Variants in JHY observed in about 807,000 individuals in gnomAD.
JHY encodes the protein jhy protein homolog.
Under a neutral mutation model 78.0 loss-of-function variants are expected in JHY, and 69 were observed. That is an observed-to-expected ratio of 0.88 (90% CI 0.73 to 1.08). The LOEUF is 1.08. JHY is among the 50% of genes least tolerant of loss of function. The probability of loss-of-function intolerance (pLI) is 0.00; values close to 1 mark genes in which losing one functional copy is unlikely to be tolerated. For missense variants in JHY, 944 were observed against 927.8 expected, an observed-to-expected ratio of 1.02 and a Z score of -0.23; for synonymous variants, 368 against 342.6, an observed-to-expected ratio of 1.07 and a Z score of -0.82.
At chr11:122,937,022 A>G (rs2135359161) in intron 5 of JHY, among the ~76,000 whole-genome samples, 1 of 152,210 alleles carries the variant, frequency 6.6e-6, no homozygotes, top group African/African-American at 2.4e-5. Context: ...GTTGTTTGTG[A>G]GCAGATTTTA....
chr11:122,951,562 T>G (rs1243937481), intron 6 of JHY, among the ~76,000 whole-genome samples: 2 of 152,232 alleles, frequency 1.3e-5, no homozygotes, highest in Non-Finnish European at 2.9e-5. Flanking sequence ...CACTTACACA[T>G]CTGAGGAATT....
chr11:122,902,533 G>T (rs1862884309), intron 2 of JHY, among the ~76,000 whole-genome samples: 1 of 152,144 alleles, frequency 6.6e-6, no homozygotes, highest in Non-Finnish European at 1.5e-5. Flanking sequence ...ACCTGAGTGA[G>T]ACTGGGTAAT....
In JHY at chr11:122,946,665, A is replaced by G. The variant is rs780615829; in HGVS notation, c.1802A>G (p.Glu601Gly). ...VTLPPILSRV[E>G]SESQLSSERS... ...CTTCCACCTATACTGTCAAGGGTAG[A>G]AAGTGAATCCCAACTCAGTTCAGAG... Residue 601 changes from glutamate (E) to glycine (G), a missense_variant, in exon 6 of 9, where the codon GAA becomes GGA. Physicochemically the swap from Glu to Gly is moderately conservative, Grantham distance 98. Transcript: ENST00000227349. 10 of 1,614,194 alleles carry G rather than the reference A, an allele frequency of 6.2e-6. No individual in the cohort carries two copies. The highest frequency in any genetic ancestry group is 8.5e-6 in the Non-Finnish European group (10 of 1,180,012).
At chr11:122,907,758 C>T (rs997395171) in intron 3 of JHY, among the ~76,000 whole-genome samples, 4 of 150,136 alleles carry the variant, frequency 2.7e-5, no homozygotes, top group Non-Finnish European at 3.0e-5. Flanking sequence ...GCAGGAGAAT[C>T]GCTCGAACCC....
chr11:122,952,111 A>G (rs1190594255), intron 6 of JHY, among the ~76,000 whole-genome samples: 1 of 152,050 alleles, frequency 6.6e-6, no homozygotes, highest in Non-Finnish European at 1.5e-5. Flanking sequence ...TTGAAGAGCC[A>G]GAAAGTAGAT....
At position 122,961,220 on chromosome 11, in the gene JHY, G is replaced by T; in HGVS notation, c.*1775G>T. 3 of 460,476 alleles carry T rather than the reference G, an allele frequency of 6.5e-6. No individual in the cohort carries two copies. The highest frequency in any genetic ancestry group is 8.2e-6 in the Non-Finnish European group (2 of 243,838). 28.5% of individuals were successfully genotyped at this position (460,476 alleles called of 1,614,324 possible). A position where few individuals can be genotyped will look rare whatever the true frequency, so the allele number is the denominator to read the frequency against. On this transcript the variant is annotated 3_prime_UTR_variant, in exon 9 of 9. Coordinates refer to ENST00000227349, the MANE Select transcript of JHY (RefSeq NM_024806.4). ...TATATCTCCTAAAAATGAAACATTT[G>T]TTCCCTATACTGAGAGAACTCAATC...
At chr11:122,954,542 C>A (rs542007156) in intron 6 of JHY, among the ~76,000 whole-genome samples, 1 of 152,254 alleles carries the variant, frequency 6.6e-6, no homozygotes, top group East Asian at 1.9e-4. Flanking sequence ...AGAAAATGTC[C>A]TATTTTAAGT....
intron 3 of JHY, among the ~76,000 whole-genome samples, chr11:122,922,776 C>G (rs1175601529): frequency 1.4e-4 from 20 of 142,352 alleles, no homozygotes; most frequent in Non-Finnish European, 1.5e-5. Flanking sequence ...TGCCACTGCA[C>G]TCCAGCCTGG....
At chr11:122,905,442 C>G in intron 3 of JHY, 1 of 1,316,158 alleles carries the variant, frequency 7.6e-7, no homozygotes, top group Non-Finnish European at 9.7e-7. Context: ...TAGACCTATT[C>G]CAAATCCCAA....
intron 3 of JHY, chr11:122,905,115 T>G (rs1164515423): frequency 8.1e-7 from 1 of 1,229,380 alleles, no homozygotes; most frequent in African/African-American, 1.5e-5. Context: ...TGATTAAACA[T>G]TAGTCTCTTT....
chr11:122,914,715 T>C (rs1487947435), intron 3 of JHY, among the ~76,000 whole-genome samples: 3 of 152,160 alleles, frequency 2.0e-5, no homozygotes, highest in Non-Finnish European at 2.9e-5. Flanking sequence ...AGTGCTTGGA[T>C]TACAGGTGTG....
chr11:122,902,720 T>A (rs76842597), intron 2 of JHY, among the ~76,000 whole-genome samples: 2,428 of 152,190 alleles, frequency 0.016, 68 homozygotes, highest in African/African-American at 0.055. Flanking sequence ...GGGGAGCTGC[T>A]ATGCACTCTT....
chr11:122,903,589 C>T (rs1277599657), intron 2 of JHY, among the ~76,000 whole-genome samples: 27 of 152,162 alleles, frequency 1.8e-4, no homozygotes. Flanking sequence ...AGCAATCCTC[C>T]CACCTCAGCC....
chr11:122,907,759 G>A (rs1246453298), intron 3 of JHY, among the ~76,000 whole-genome samples: 3 of 148,828 alleles, frequency 2.0e-5, no homozygotes, highest in Non-Finnish European at 3.0e-5. Flanking sequence ...CAGGAGAATC[G>A]CTCGAACCCA....
chr11:122,883,290 T>C lies in JHY; in HGVS notation c.-90+318T>C, dbSNP rs1862424003. 6.6e-6 allele frequency among the ~76,000 whole-genome samples: 1 copy of C among 152,168 alleles called. No homozygotes were observed. The highest frequency in any genetic ancestry group is 2.1e-4 in the South Asian group (1 of 4,836). ...CAAACGCCCCTTGTGACAGGCCTTG[T>C]TCCTCAGGAACAAGCAAAGGTAGAA... is the stretch of plus-strand genomic sequence containing the variant. On this transcript the variant is annotated intron_variant, in intron 1 of 8. Transcript: ENST00000227349. The surrounding 1 kb of genome is among the most constrained non-coding windows in gnomAD (Gnocchi z 4.4).
Position 122,946,600 on chromosome 11 carries a change from C to G in JHY, c.1737C>G (p.Thr579=), listed in dbSNP as rs758051837. Residue 579 remains threonine (T), a synonymous_variant, in exon 6 of 9, where the codon ACC becomes ACG. Transcript: ENST00000227349. ...ATCAGCAAGCCTTGGTGCAGCTGAC[C>G]GACGTGCAGCCCAGTGAAGGGGCCT... ...EQHQQALVQL[T]DVQPSEGALS... 2.4e-5 allele frequency: 39 copies of G among 1,613,854 alleles called. No individual in the cohort carries two copies. Among genetic ancestry groups the G allele is most frequent in the Non-Finnish European group, 3.2e-5 (38 of 1,179,988 alleles).
intron 3 of JHY, among the ~76,000 whole-genome samples, chr11:122,916,149 T>C (rs1345009807): frequency 6.6e-6 from 1 of 152,050 alleles, no homozygotes; most frequent in Non-Finnish European, 1.5e-5. Flanking sequence ...TTAGTAAAAA[T>C]GTGTTGTATA....
At chr11:122,913,515 T>C (rs1383574252) in intron 3 of JHY, among the ~76,000 whole-genome samples, 1 of 152,156 alleles carries the variant, frequency 6.6e-6, no homozygotes, top group African/African-American at 2.4e-5. Context: ...CATCAATCCC[T>C]ACTTGTGTCA....
intron 3 of JHY, among the ~76,000 whole-genome samples, chr11:122,912,554 G>A (rs190393829): frequency 3.9e-5 from 6 of 152,128 alleles, no homozygotes; most frequent in East Asian, 1.9e-4. Context: ...AGCATAGCCC[G>A]TATTAGCTCA....
Sources: allele counts gnomAD v4.1 joint callset (sites outside exome capture counted in the v4.1 genomes callset), GRCh38; gene constraint gnomAD v4.1.1; non-coding constraint Gnocchi (gnomAD v3.1); transcripts MANE v1.5; gene names NCBI Gene and HGNC (gene_info 2026-07-23, HGNC 2026-07-21).